DLGAP1: variants seen among roughly 807,000 people sequenced by gnomAD.
DLGAP1 encodes the protein DLG associated protein 1, also known as disks large-associated protein 1.
In DLGAP1, 11 loss-of-function variants were observed where a neutral mutation model predicts 90.8. That is an observed-to-expected ratio of 0.12 (90% CI 0.08 to 0.20). The LOEUF (loss-of-function observed/expected upper bound fraction) is 0.20. DLGAP1 is among the 10% of genes least tolerant of loss of function. The probability of loss-of-function intolerance (pLI) is 1.00; values close to 1 mark genes in which losing one functional copy is unlikely to be tolerated. For synonymous variants in DLGAP1, 558 were observed against 540.7 expected, an observed-to-expected ratio of 1.03 and a Z score of -0.44; for missense variants, 1,050 against 1,333.8, an observed-to-expected ratio of 0.79 and a Z score of 3.31.
At chr18:3,799,344 G>A (rs2066172920) in intron 5 of DLGAP1, among the ~76,000 whole-genome samples, 1 of 152,126 alleles carries the variant, frequency 6.6e-6, no homozygotes, top group Non-Finnish European at 1.5e-5. Context: ...ACCAGAAAGG[G>A]AGAGGGAAGA....
intron 1 of DLGAP1, among the ~76,000 whole-genome samples, chr18:4,182,018 G>A (rs2077217777): frequency 6.6e-6 from 1 of 152,104 alleles, no homozygotes; most frequent in Admixed American, 6.5e-5. Context: ...AGTTGGCATG[G>A]TGGGGACTGG....
chr18:4,105,890 G>C (rs1181417426), intron 2 of DLGAP1, among the ~76,000 whole-genome samples: 1 of 151,868 alleles, frequency 6.6e-6, no homozygotes, highest in East Asian at 1.9e-4. Context: ...AAATTAGCCG[G>C]GCGTGGTGGC....
chr18:3,603,735 C>T (rs1212514105), intron 7 of DLGAP1: 1 of 154,376 alleles, frequency 6.5e-6, no homozygotes, highest in Non-Finnish European at 1.5e-5. Context: ...AAGGGAATTC[C>T]TGTCTTTCAG....
intron 10 of DLGAP1, among the ~76,000 whole-genome samples, chr18:3,531,684 T>C (rs180947989): frequency 4.6e-5 from 7 of 152,084 alleles, no homozygotes; most frequent in Admixed American, 3.9e-4. Flanking sequence ...GGTTTTACCA[T>C]GTTGGCCAGG....
intron 4 of DLGAP1, among the ~76,000 whole-genome samples, chr18:3,849,492 G>A (rs2069214057): frequency 6.6e-6 from 1 of 152,028 alleles, no homozygotes; most frequent in Non-Finnish European, 1.5e-5. Flanking sequence ...ATGCATAGGG[G>A]AGTGCTAAGA....
chr18:4,133,071 C>A (rs763425052), intron 2 of DLGAP1, among the ~76,000 whole-genome samples: 2 of 152,144 alleles, frequency 1.3e-5, no homozygotes, highest in Non-Finnish European at 2.9e-5. Flanking sequence ...AATCACTGCA[C>A]AACGGGCTGC....
At chr18:3,610,846 TAAA>T (rs1484719177) in intron 7 of DLGAP1, among the ~76,000 whole-genome samples, 1 of 148,820 alleles carries the variant, frequency 6.7e-6, no homozygotes, top group African/African-American at 2.5e-5. Context: ...CTCAAAAAAA[TAAA>T]AAAAGATGGT....
intron 7 of DLGAP1, among the ~76,000 whole-genome samples, chr18:3,630,822 A>G (rs1006428796): frequency 2.0e-5 from 3 of 152,160 alleles, no homozygotes; most frequent in African/African-American, 4.8e-5. Flanking sequence ...GCTGCTTTTC[A>G]AGAGTATCTT....
intron 2 of DLGAP1, among the ~76,000 whole-genome samples, chr18:4,071,860 A>T (rs189847730): frequency 2.6e-5 from 4 of 152,200 alleles, no homozygotes; most frequent in Non-Finnish European, 5.9e-5. Context: ...CAACTTTGTT[A>T]ATTCAAAGTT....
chr18:4,338,535 GC>G (rs570395683), intron 1 of DLGAP1, among the ~76,000 whole-genome samples: 1 of 152,128 alleles, frequency 6.6e-6, no homozygotes, highest in South Asian at 2.1e-4. Flanking sequence ...TGTACTGAGT[GC>G]CTATTATTTA....
At chr18:3,976,345 A>C (rs1464015106) in intron 3 of DLGAP1, among the ~76,000 whole-genome samples, 7 of 95,440 alleles carry the variant, frequency 7.3e-5, no homozygotes, top group Non-Finnish European at 1.2e-4. Flanking sequence ...CAACAAGAGC[A>C]AAACTCTGTC....
intron 8 of DLGAP1, among the ~76,000 whole-genome samples, chr18:3,569,077 C>T (rs1448376536): frequency 6.6e-6 from 1 of 151,732 alleles, no homozygotes; most frequent in African/African-American, 2.4e-5. Flanking sequence ...ATCTCAGCTC[C>T]TGCAACCTCC....
chr18:3,878,975 A>C, intron 4 of DLGAP1, 137 bp downstream of exon 4: 1 of 674,400 alleles, frequency 1.5e-6, no homozygotes, highest in Non-Finnish European at 2.2e-6. Flanking sequence ...AATTCGGCAC[A>C]GAGATGCCGA....
chr18:4,127,186 G>C (rs1244707384), intron 2 of DLGAP1, among the ~76,000 whole-genome samples: 1 of 152,186 alleles, frequency 6.6e-6, no homozygotes, highest in Non-Finnish European at 1.5e-5. Context: ...TACTATGCAT[G>C]ATTTGAGATT....
At chr18:4,040,701 G>A (rs929849665) in intron 2 of DLGAP1, among the ~76,000 whole-genome samples, 1 of 152,184 alleles carries the variant, frequency 6.6e-6, no homozygotes, top group Non-Finnish European at 1.5e-5. Context: ...TTATTTAGGA[G>A]ATGAAGTTCT....
chr18:4,033,328 CTA>C (rs140989644), intron 2 of DLGAP1, among the ~76,000 whole-genome samples: 3,008 of 151,936 alleles, frequency 0.02, 93 homozygotes, highest in African/African-American at 0.068. Flanking sequence ...CAAGGTCCTT[CTA>C]TTTTAGGAAA....
At chr18:3,666,115 C>G (rs935053041) in intron 7 of DLGAP1, among the ~76,000 whole-genome samples, 13 of 152,194 alleles carry the variant, frequency 8.5e-5, no homozygotes, top group African/African-American at 2.9e-4. Context: ...AGAGTCCTAA[C>G]AATGTGATCC....
At chr18:4,145,626 C>T (rs1057087723) in intron 2 of DLGAP1, among the ~76,000 whole-genome samples, 10 of 152,084 alleles carry the variant, frequency 6.6e-5, no homozygotes, top group Non-Finnish European at 1.2e-4. Context: ...TCTTAGTAAA[C>T]GAATCTTCTA....
At chr18:3,703,237 G>C (rs1055031128) in intron 7 of DLGAP1, among the ~76,000 whole-genome samples, 13 of 152,182 alleles carry the variant, frequency 8.5e-5, no homozygotes, top group Admixed American at 6.5e-5. Context: ...ATGGAATGTG[G>C]CGCTGTCCTG....
Sources: allele counts gnomAD v4.1 joint callset (sites outside exome capture counted in the v4.1 genomes callset), GRCh38; gene constraint gnomAD v4.1.1; transcripts MANE v1.5; gene names NCBI Gene and HGNC (gene_info 2026-07-23, HGNC 2026-07-21).